The following SBF1 variants were observed in gnomAD, a reference collection of about 807,000 sequenced individuals.
SBF1 encodes SET binding factor 1.
Under a neutral mutation model 215.8 loss-of-function variants are expected in SBF1, and 65 were observed. The observed-to-expected ratio is 0.30, with a 90% confidence interval of 0.25 to 0.37. SBF1 has a LOEUF of 0.37. Ranked by LOEUF, SBF1 falls within the 10% of genes least tolerant of loss-of-function variation. SBF1 has a pLI of 1.00. For missense variants in SBF1, 2,634 were observed against 2,667.8 expected, an observed-to-expected ratio of 0.99 and a Z score of 0.28; for synonymous variants, 1,410 against 1,122.8, an observed-to-expected ratio of 1.26 and a Z score of -5.11.
intron 1 of SBF1, among the ~76,000 whole-genome samples, chr22:50,472,195 G>A (rs1035666321): frequency 2.0e-5 from 3 of 152,262 alleles, no homozygotes; most frequent in South Asian, 2.1e-4. Flanking sequence ...AAAGGGTCAC[G>A]GCCAGCACAG....
chr22:50,473,368 T>C (rs930797218), intron 1 of SBF1, among the ~76,000 whole-genome samples: 2 of 152,130 alleles, frequency 1.3e-5, no homozygotes, highest in Admixed American at 6.5e-5. Flanking sequence ...ATGCCCCTCA[T>C]AGGTGCCTCG....
At chr22:50,450,076 G>A (rs1006475161) in intron 36 of SBF1, among the ~76,000 whole-genome samples, 1 of 152,234 alleles carries the variant, frequency 6.6e-6, no homozygotes, top group African/African-American at 2.4e-5. Context: ...AGTGCAGCTG[G>A]GTCTGCAGGG....
Position 50,445,384 on chromosome 22 carries a change from T to A in SBF1, c.*1758A>T, listed in dbSNP as rs530947628. ...AGCCTGGGCCCCACCTTGTCCTCAG[T>A]GGCTGAGTGGGAGGGGCAGGTGGAG... is the stretch of plus-strand genomic sequence containing the variant. On this transcript the variant is annotated 3_prime_UTR_variant, in exon 41 of 41. Coordinates refer to ENST00000380817, the MANE Select transcript of SBF1 (RefSeq NM_002972.4). The A allele has an allele frequency of 6.6e-6, 1 of 152,376 alleles. No homozygotes were observed. The highest frequency in any genetic ancestry group is 2.4e-5 in the African/African-American group (1 of 41,568). 9.4% of individuals were successfully genotyped at this position (152,376 alleles called of 1,614,324 possible).
chr22:50,447,365 G>A lies in SBF1; in HGVS notation c.5540C>T (p.Thr1847Ile), dbSNP rs2066872486. 1 of 1,613,894 alleles carries A rather than the reference G, an allele frequency of 6.2e-7. No individual in the cohort carries two copies. The highest frequency in any genetic ancestry group is 8.5e-7 in the Non-Finnish European group (1 of 1,179,930). The change falls in exon 40 of 41, where the codon ACT becomes ATT. Residue 1847 changes from threonine to isoleucine, a missense_variant. Transcript: ENST00000380817. ...EVEAVAPGTP[T>I]MGAPKTVDEK... Reference sequence around the variant, plus strand: ...GTCCACAGTCTTAGGGGCACCCATAGTGGGCGTGCCAGGTGCCACAGCCTC... The same window carrying A: ...GTCCACAGTCTTAGGGGCACCCATAATGGGCGTGCCAGGTGCCACAGCCTC...
In SBF1 at chr22:50,474,787, G is replaced by T; in HGVS notation, c.54C>A (p.Arg18=). Residue 18 remains arginine (R), a splice_region_variant and synonymous_variant, in exon 1 of 41, where the codon CGC becomes CGA. Transcript: ENST00000380817. ...TCAGCGCTTGGCCTCGGCACTCACC[G>T]CGCGGGTGCGGCCCGAACGCCACCA... ...FVLVAFGPHP[R]GSGEGQGQIL... The T allele has an allele frequency of 6.8e-7, 1 of 1,461,138 alleles. No homozygotes were observed. The highest frequency in any genetic ancestry group is 9.0e-7 in the Non-Finnish European group (1 of 1,110,776). 90.5% of individuals were successfully genotyped at this position (1,461,138 alleles called of 1,614,324 possible).
chr22:50,473,046 AC>A (rs2068050188), intron 1 of SBF1, among the ~76,000 whole-genome samples: 1 of 152,140 alleles, frequency 6.6e-6, no homozygotes, highest in African/African-American at 2.4e-5. Flanking sequence ...TGCCTGCACT[AC>A]GTGTGGCTCC....
Position 50,467,600 on chromosome 22 carries a change from A to G in SBF1, c.370T>C (p.Ser124Pro). 1 of 1,612,874 alleles carries G rather than the reference A, an allele frequency of 6.2e-7. No homozygotes were observed. Among genetic ancestry groups the G allele is most frequent in the Non-Finnish European group, 8.5e-7 (1 of 1,179,450 alleles). ...GTCTTCGGTGCAAACAGCTGGGCAG[A>G]TGGGGCAGGTGCTGTGGGAGACAGG... Reference protein sequence around the residue: ...THLSPTAPAPSAQLFAPKTLV... With the variant: ...THLSPTAPAPPAQLFAPKTLV... Residue 124 changes from serine to proline, a missense_variant, in exon 4 of 41, where the codon TCT (serine) becomes CCT (proline). By Grantham distance (74) the Ser-to-Pro change is moderately conservative (BLOSUM62 -1). Coordinates refer to ENST00000380817, the MANE Select transcript of SBF1 (RefSeq NM_002972.4).
chr22:50,462,645 A>G lies in SBF1; in HGVS notation c.2041T>C (p.Phe681Leu). Reference sequence around the variant, plus strand: ...TCCCCATAGAACATGGCCTCCCAGAACTGTGGCGTGCTCCACACCACGTGC... The same window carrying G: ...TCCCCATAGAACATGGCCTCCCAGAGCTGTGGCGTGCTCCACACCACGTGC... ...QEHVVWSTPQ[F>L]WEAMFYGDVQ... is the part of the protein sequence containing the mutation. The change falls in exon 18 of 41, where the codon TTC (phenylalanine) becomes CTC (leucine). Residue 681 changes from phenylalanine to leucine, a missense_variant. Transcript: ENST00000380817. The G allele has an allele frequency of 6.2e-7, 1 of 1,612,842 alleles. No individual in the cohort carries two copies. The highest frequency in any genetic ancestry group is 8.5e-7 in the Non-Finnish European group (1 of 1,179,780).
intron 26 of SBF1, 39 bp from the exon 27 acceptor site, chr22:50,459,705 C>T (rs1204989440): frequency 6.5e-7 from 1 of 1,543,364 alleles, no homozygotes; most frequent in Non-Finnish European, 8.7e-7. Flanking sequence ...CTGGCGACCC[C>T]ACCCGCCTCC....
chr22:50,471,451 G>A (rs2067991838), intron 1 of SBF1, among the ~76,000 whole-genome samples: 1 of 152,226 alleles, frequency 6.6e-6, no homozygotes. Context: ...GCTGTGGGGA[G>A]GCAAAGAAGG....
chr22:50,463,029 G>A (rs545347033), intron 16 of SBF1, 91 bp from the exon 17 acceptor site: 1 of 1,325,280 alleles, frequency 7.5e-7, no homozygotes, highest in South Asian at 1.3e-5. Flanking sequence ...AACCACCACA[G>A]ACCAGCACCT....
Position 50,461,681 on chromosome 22 carries a change from T to C in SBF1, c.2681A>G (p.Glu894Gly). Reference protein sequence around the residue: ...LLRPRLLPGEECVLDGLRVYL... With the variant: ...LLRPRLLPGEGCVLDGLRVYL... The stretch of plus-strand genomic sequence containing the variant: ...GACGCGCAGGCCGTCCAGCACACAC[T>C]CCTCACCCGGCAGCAGGCGCGGCCG... The change falls in exon 22 of 41, where the codon GAG becomes GGG. Residue 894 changes from glutamate (E) to glycine (G), a missense_variant. Transcript: ENST00000380817. 6.2e-7 allele frequency: 1 copy of C among 1,609,804 alleles called. No individual in the cohort carries two copies. The highest frequency in any genetic ancestry group is 8.5e-7 in the Non-Finnish European group (1 of 1,179,226).
intron 28 of SBF1, 61 bp from the exon 29 acceptor site, chr22:50,457,172 G>A: frequency 7.3e-7 from 1 of 1,362,626 alleles, no homozygotes; most frequent in South Asian, 1.6e-5. Context: ...GCCCAGCTTG[G>A]GGGTGCCTAC....
In SBF1 at chr22:50,465,743, G is replaced by A. The variant is rs1171622800; in HGVS notation, c.1089+20C>T. On this transcript the variant is annotated intron_variant, in intron 10 of 40. Coordinates refer to ENST00000380817, the MANE Select transcript of SBF1 (RefSeq NM_002972.4). The stretch of plus-strand genomic sequence containing the variant: ...CCTAAGTGCCTGGGGTCCCCATGCA[G>A]GAGCAGCAACGACCCCCACCTGCAT... The A allele has an allele frequency of 6.3e-7, 1 of 1,581,928 alleles. No individual in the cohort carries two copies. The highest frequency in any genetic ancestry group is 8.6e-7 in the Non-Finnish European group (1 of 1,164,902).
Position 50,455,979 on chromosome 22 carries a change from G to A in SBF1, c.4266+237C>T, listed in dbSNP as rs1321067795. 5.3e-6 allele frequency: 3 copies of A among 569,656 alleles called. No homozygotes were observed. The Admixed American group carries it at 9.8e-5, about 19-fold the overall frequency. 35.3% of individuals were successfully genotyped at this position (569,656 alleles called of 1,614,324 possible). On this transcript the variant is annotated intron_variant, in intron 31 of 40. Coordinates refer to ENST00000380817, the MANE Select transcript of SBF1 (RefSeq NM_002972.4). ...GTCATCAGCCCACGTGGGCCCAGCAGGCTGCTCCGACATACCCATGCCCAA... is the reference window on the plus strand; with the variant it reads ...GTCATCAGCCCACGTGGGCCCAGCAAGCTGCTCCGACATACCCATGCCCAA...
rs1467726498 is a variant in SBF1, at chr22:50,465,004, A to G, written c.1329T>C (p.Asp443=). ...GVPYRPTDLF[D]ELVAHEVARM... ...GGAGGGCAGGGTGGAGGTGCACCTC[A>G]TCGAACAGGTCCGTAGGGCGGTATG... The change falls in exon 12 of 41, where the codon GAT becomes GAC. Residue 443 remains aspartate (D), a synonymous_variant. Transcript: ENST00000380817. 11 of 1,613,984 alleles carry G rather than the reference A, an allele frequency of 6.8e-6. No homozygotes were observed. Among genetic ancestry groups the G allele is most frequent in the Non-Finnish European group, 8.5e-6 (10 of 1,179,954 alleles).
Position 50,447,545 on chromosome 22 carries a change from C to G in SBF1, c.5428G>C (p.Val1810Leu). 1 of 1,613,396 alleles carries G rather than the reference C, an allele frequency of 6.2e-7. No individual in the cohort carries two copies. The highest frequency in any genetic ancestry group is 2.2e-5 in the East Asian group (1 of 44,840). The change falls in exon 39 of 41, where the codon GTG becomes CTG. Residue 1810 changes from valine (V) to leucine (L), a missense_variant. By Grantham distance (32) the Val-to-Leu change is conservative. Coordinates refer to ENST00000380817, the MANE Select transcript of SBF1 (RefSeq NM_002972.4). ...ACCTGGTGCTTGGTCTTGTCCAGCA[C>G]GAACCAGCGGGCCTTCCAAGGCTTC... ...FMKPWKARWF[V>L]LDKTKHQLRY...
chr22:50,446,686 G>A lies in SBF1; in HGVS notation c.*456C>T, dbSNP rs2148546594. 2 of 390,414 alleles carry A rather than the reference G, an allele frequency of 5.1e-6. No homozygotes were observed. Among genetic ancestry groups the A allele is most frequent in the East Asian group, 7.0e-5 (1 of 14,250 alleles). 24.2% of individuals were successfully genotyped at this position (390,414 alleles called of 1,614,324 possible). Reference sequence around the variant, plus strand: ...CGAGCTGGGTGGACCCAGGCACCAGGAGAGGCTCACGAGAAAGATGCCAAC... The same window carrying A: ...CGAGCTGGGTGGACCCAGGCACCAGAAGAGGCTCACGAGAAAGATGCCAAC... On this transcript the variant is annotated 3_prime_UTR_variant, in exon 41 of 41. Coordinates refer to ENST00000380817, the MANE Select transcript of SBF1 (RefSeq NM_002972.4).
chr22:50,463,385 G>C lies in SBF1; in HGVS notation c.1797C>G (p.Arg599=), dbSNP rs759712001. 4.4e-6 allele frequency: 7 copies of C among 1,597,650 alleles called. No homozygotes were observed. The highest frequency in any genetic ancestry group is 6.0e-6 in the Non-Finnish European group (7 of 1,171,416). The change falls in exon 16 of 41, where the codon CGC becomes CGG. Residue 599 remains arginine (R), a synonymous_variant. Transcript: ENST00000380817. ...LRALKGRAAR[R]CLAQELHLHV... ...GCAGGTGCAGCTCCTGGGCGAGGCA[G>C]CGGCGGGCAGCTCGCCCCTTCAGGG...
Sources: gnomAD v4.1 joint callset for allele counts (sites outside exome capture counted in the v4.1 genomes callset) on GRCh38, gnomAD v4.1.1 for gene constraint, MANE v1.5 for transcripts, NCBI Gene and HGNC (gene_info 2026-07-23, HGNC 2026-07-21) for gene names.